The following TRPC1 variants were observed in gnomAD, a reference collection of about 807,000 sequenced individuals.
TRPC1 encodes transient receptor potential cation channel subfamily C member 1.
Under a neutral mutation model 88.2 loss-of-function variants are expected in TRPC1, and 42 were observed. The observed-to-expected ratio is 0.48, with a 90% CI of 0.37 to 0.62. The LOEUF (loss-of-function observed/expected upper bound fraction) is 0.62, where lower values mean the gene tolerates loss of function less well. Ranked by LOEUF, TRPC1 falls within the 20% of genes least tolerant of loss-of-function variation. The pLI is 0.00. For missense variants in TRPC1, 699 were observed against 957.3 expected, an observed-to-expected ratio of 0.73 and a Z score of 3.56; for synonymous variants, 288 against 331.8, an observed-to-expected ratio of 0.87 and a Z score of 1.43.
Position 142,785,028 on chromosome 3 carries a change from C to A in TRPC1, c.1285C>A (p.Leu429Met). The change falls in exon 7 of 13, where the codon CTG (leucine) becomes ATG (methionine). Residue 429 changes from leucine to methionine, a missense_variant. Leu to Met is a conservative substitution (Grantham distance 15, BLOSUM62 2). This residue lies in a region of TRPC1 where 426 missense variants were observed against 641.3 expected (regional missense o/e 0.66). Coordinates refer to ENST00000476941, the MANE Select transcript of TRPC1 (RefSeq NM_001251845.2). ...ALERIDYLLI[L>M]WIIGMIWSDI... ...TGAAAGAATAGACTATCTTCTTATT[C>A]TGTGGATTATTGGTAAGTATCAAGT... The A allele has an allele frequency of 1.2e-6, 2 of 1,601,806 alleles. No homozygotes were observed. Among genetic ancestry groups the A allele is most frequent in the South Asian group, 2.3e-5 (2 of 88,628 alleles).
At chr3:142,760,450 T>G (rs985707052) in intron 4 of TRPC1, among the ~76,000 whole-genome samples, 2 of 152,202 alleles carry the variant, frequency 1.3e-5, no homozygotes, top group African/African-American at 4.8e-5. Flanking sequence ...GTGTCTATAT[T>G]TATGCCAGTA....
chr3:142,759,520 GTTGA>G (rs1935105213), intron 4 of TRPC1, among the ~76,000 whole-genome samples: 1 of 152,092 alleles, frequency 6.6e-6, no homozygotes, highest in South Asian at 2.1e-4. Context: ...TTTTGATGGG[GTTGA>G]TTTTTTCTTG....
rs552972449 is a variant in TRPC1, at chr3:142,757,649, T to C, written c.632+9189T>C. 4.6e-5 allele frequency among the ~76,000 whole-genome samples: 4 copies of C among 87,594 alleles called. No individual in the cohort carries two copies. In the South Asian group the frequency reaches 1.4e-3, roughly 31 times the overall value. The allele number at this position is 87,594 out of a possible 152,430, so 57.5% of individuals were successfully genotyped here. ...TCACACACCGGGGCCTCTTGGGGGA[T>C]GGGGGGCAAGGGGAGGGATAGCATT... On this transcript the variant is annotated intron_variant, in intron 4 of 12. Coordinates refer to ENST00000476941, the MANE Select transcript of TRPC1 (RefSeq NM_001251845.2).
intron 4 of TRPC1, among the ~76,000 whole-genome samples, chr3:142,749,173 T>A (rs1188303875): frequency 1.3e-5 from 2 of 152,212 alleles, no homozygotes; most frequent in African/African-American, 4.8e-5. Flanking sequence ...TATCGCCTAC[T>A]GATGTCATTG....
chr3:142,757,273 A>C (rs1935005297), intron 4 of TRPC1, among the ~76,000 whole-genome samples: 1 of 151,938 alleles, frequency 6.6e-6, no homozygotes, highest in Admixed American at 6.6e-5. Context: ...GCTGGATCAT[A>C]TGGTAGTTCT....
At chr3:142,768,790 C>G (rs1935481736) in intron 4 of TRPC1, among the ~76,000 whole-genome samples, 1 of 151,980 alleles carries the variant, frequency 6.6e-6, no homozygotes, top group Admixed American at 6.6e-5. Context: ...GTATTACAAT[C>G]TATTTCAAGT....
rs1008974297 is a variant in TRPC1, at chr3:142,779,861, A to ATTT, written c.765-954_765-952dup. On this transcript the variant is annotated intron_variant, in intron 5 of 12. Transcript: ENST00000476941. ...CTTAGACATAAAGTTAATGTAATTG[A>ATTT]TTTTTTTTTTTTTTTTTTTTTGGAG... 2.9e-4 allele frequency among the ~76,000 whole-genome samples: 36 copies of ATTT among 125,404 alleles called. No individual in the cohort carries two copies. The East Asian group carries it at 6.2e-3, about 21-fold the overall frequency. The allele number at this position is 125,404 out of a possible 152,430, so 82.3% of individuals were successfully genotyped here. A position where few individuals can be genotyped will look rare whatever the true frequency, so the allele number is the denominator to read the frequency against.
At chr3:142,805,125 TATATACACACAC>T (rs796408796) in intron 12 of TRPC1, among the ~76,000 whole-genome samples, 4,026 of 123,754 alleles carry the variant, frequency 0.033, 118 homozygotes, top group East Asian at 0.15. Flanking sequence ...AACAAATATA[TATATACACACAC>T]ACACACACAC....
Position 142,806,410 on chromosome 3 carries a change from G to A in TRPC1, c.*175G>A, listed in dbSNP as rs1936795709. The A allele has an allele frequency of 3.8e-6, 2 of 531,888 alleles. No homozygotes were observed. Among genetic ancestry groups the A allele is most frequent in the South Asian group, 4.3e-5 (1 of 23,488 alleles). The allele number at this position is 531,888 out of a possible 1,614,324, so 32.9% of individuals were successfully genotyped here. A position where few individuals can be genotyped will look rare whatever the true frequency, so the allele number is the denominator to read the frequency against. On this transcript the variant is annotated 3_prime_UTR_variant, in exon 13 of 13. Coordinates refer to ENST00000476941, the MANE Select transcript of TRPC1 (RefSeq NM_001251845.2). ...TATGTAAAGTGTGTATATAGAATTA[G>A]TTTTTTAAACCTTCTGTTAGTGGCT...
chr3:142,724,592 C>T lies in TRPC1; in HGVS notation c.33C>T (p.Leu11=), dbSNP rs764647537. Residue 11 remains leucine (L), a synonymous_variant, in exon 1 of 13, where the codon CTC becomes CTT. Coordinates refer to ENST00000476941, the MANE Select transcript of TRPC1 (RefSeq NM_001251845.2). The surrounding 1 kb of genome is among the most constrained non-coding windows in gnomAD (Gnocchi z 5.6). Reference sequence around the variant, plus strand: ...CGGCCCTGTACCCGAGCACGGACCTCTCGGGCGCCTCCTCCTCCTCCCTGC... The same window carrying T: ...CGGCCCTGTACCCGAGCACGGACCTTTCGGGCGCCTCCTCCTCCTCCCTGC... MMAALYPSTD[L]SGASSSSLPS... The T allele has an allele frequency of 8.1e-6, 13 of 1,599,950 alleles. No homozygotes were observed. The highest frequency in any genetic ancestry group is 2.3e-5 in the East Asian group (1 of 44,326).
At chr3:142,752,126 G>A (rs1934786895) in intron 4 of TRPC1, among the ~76,000 whole-genome samples, 1 of 152,156 alleles carries the variant, frequency 6.6e-6, no homozygotes. Flanking sequence ...ATAAGACACA[G>A]AGACAAAGTA....
intron 4 of TRPC1, among the ~76,000 whole-genome samples, chr3:142,758,428 T>G (rs958970510): frequency 1.3e-5 from 2 of 152,240 alleles, no homozygotes. Context: ...GTCATTTGTA[T>G]GTTTTCTTTT....
At position 142,784,841 on chromosome 3, in the gene TRPC1, T is replaced by C; in HGVS notation, c.1098T>C (p.Leu366=). Residue 366 remains leucine, a synonymous_variant, in exon 7 of 13, where the codon CTT becomes CTC. Coordinates refer to ENST00000476941, the MANE Select transcript of TRPC1 (RefSeq NM_001251845.2). ...TVGIFWPVLS[L]CYLIAPKSQF... Reference sequence around the variant, plus strand: ...GCATCTTTTGGCCAGTTTTGTCACTTTGTTATTTGATAGCTCCCAAATCTC... The same window carrying C: ...GCATCTTTTGGCCAGTTTTGTCACTCTGTTATTTGATAGCTCCCAAATCTC... The C allele has an allele frequency of 6.2e-7, 1 of 1,614,174 alleles. No homozygotes were observed.
intron 2 of TRPC1, among the ~76,000 whole-genome samples, chr3:142,737,863 G>T (rs1014721844): frequency 1.3e-5 from 2 of 152,136 alleles, no homozygotes; most frequent in Non-Finnish European, 2.9e-5. Flanking sequence ...ATGTGCGTTT[G>T]TGTGTTTATA....
At chr3:142,743,639 C>CAA in intron 3 of TRPC1, 53 bp downstream of exon 3, 1 of 1,159,184 alleles carries the variant, frequency 8.6e-7, no homozygotes. Context: ...AAATAGATCT[C>CAA]TTGCCCCATT....
chr3:142,724,672 G>T lies in TRPC1; in HGVS notation c.113G>T (p.Arg38Leu). The T allele has an allele frequency of 1.2e-6, 2 of 1,611,882 alleles. No individual in the cohort carries two copies. The highest frequency in any genetic ancestry group is 1.7e-6 in the Non-Finnish European group (2 of 1,178,674). The change falls in exon 1 of 13, where the codon CGG (arginine) becomes CTG (leucine). Residue 38 changes from arginine to leucine, a missense_variant. Around this residue, in one of 4 missense-constraint regions of TRPC1, gnomAD observed 157 missense variants for 127.0 expected, o/e 1.24. Transcript: ENST00000476941. The surrounding 1 kb of genome is among the most constrained non-coding windows in gnomAD (Gnocchi z 5.6). The part of the protein sequence containing the change: ...PNEVMALKDV[R>L]EVKEENTLNE... ...GAGGTGATGGCGCTGAAGGATGTGC[G>T]GGAGGTGAAGGAGGAGAATACGCTG...
At chr3:142,777,893 T>G (rs1935836466) in intron 5 of TRPC1, 130 bp downstream of exon 5, 5 of 952,316 alleles carry the variant, frequency 5.3e-6, no homozygotes, top group Non-Finnish European at 7.4e-6. Context: ...TGCCACTTAC[T>G]TGGCAACAGA....
chr3:142,766,496 G>A lies in TRPC1; in HGVS notation c.633-11136G>A, dbSNP rs117437480. On this transcript the variant is annotated intron_variant, in intron 4 of 12. Transcript: ENST00000476941. Reference sequence around the variant, plus strand: ...GCTCACTGCAACTTCCACATCCTGGGTTCAAGCCATCTTCCTGCCTCATCC... The same window carrying A: ...GCTCACTGCAACTTCCACATCCTGGATTCAAGCCATCTTCCTGCCTCATCC... 9.6e-3 allele frequency among the ~76,000 whole-genome samples: 1,451 copies of A among 151,700 alleles called. 35 individuals are homozygous for A. Among genetic ancestry groups the A allele is most frequent in the East Asian group, 0.089 (458 of 5,136 alleles).
chr3:142,749,675 C>T (rs2108048402), intron 4 of TRPC1, among the ~76,000 whole-genome samples: 1 of 152,276 alleles, frequency 6.6e-6, no homozygotes, highest in African/African-American at 2.4e-5. Flanking sequence ...TCAAACTATA[C>T]TACAAGGCTA....
Sources: gnomAD v4.1 joint callset for allele counts (sites outside exome capture counted in the v4.1 genomes callset) on GRCh38, gnomAD v4.1.1 for gene constraint, gnomAD v4.1.1 regional missense constraint, Gnocchi (gnomAD v3.1) non-coding constraint, MANE v1.5 for transcripts, NCBI Gene and HGNC (gene_info 2026-07-23, HGNC 2026-07-21) for gene names.